LIG4: variants seen among roughly 807,000 people sequenced by gnomAD.
The protein encoded by LIG4 is DNA ligase 4.
Under a neutral mutation model 19.0 loss-of-function variants are expected in LIG4, and 13 were observed. That is an observed-to-expected ratio of 0.68 (90% CI 0.44 to 1.09). The LOEUF is 1.09. LIG4 is among the 50% of genes least tolerant of loss of function. The pLI, the probability that LIG4 is intolerant of heterozygous loss-of-function variation, is 0.00. For missense variants in LIG4, 1,026 were observed against 1,089.7 expected (o/e 0.94, Z 0.82); for synonymous variants, 361 against 358.2 (o/e 1.01, Z -0.09).
At position 108,210,414 on chromosome 13, in the gene LIG4, T is replaced by G; in HGVS notation, c.855A>C (p.Gly285=). 6.2e-7 allele frequency: 1 copy of G among 1,613,614 alleles called. No individual in the cohort carries two copies. The highest frequency in any genetic ancestry group is 8.5e-7 in the Non-Finnish European group (1 of 1,179,918). ...TTCGAGAGAAGTATTTATATACATCTCCATCTTTGTGCATTTGCATACGTT... is the reference window on the plus strand; with the variant it reads ...TTCGAGAGAAGTATTTATATACATCGCCATCTTTGTGCATTTGCATACGTT... ...DGERMQMHKD[G]DVYKYFSRNG... The change falls in exon 3 of 3, where the codon GGA becomes GGC. Residue 285 remains glycine (G), a synonymous_variant. Coordinates refer to ENST00000442234, the MANE Select transcript of LIG4 (RefSeq NM_206937.2).
rs1878208772 is a variant in LIG4, at chr13:108,208,780, C to A, written c.2489G>T (p.Ser830Ile). ...LDSYAVINDLSTKNEGTRLAI... is the reference protein window; with the variant it reads ...LDSYAVINDLITKNEGTRLAI... ...TAACCTTGTCCCCTCATTTTTGGTACTCAGGTCATTAATAACAGCATACGA... is the reference window on the plus strand; with the variant it reads ...TAACCTTGTCCCCTCATTTTTGGTAATCAGGTCATTAATAACAGCATACGA... Residue 830 changes from serine (S) to isoleucine (I), a missense_variant, in exon 3 of 3, where the codon AGT becomes ATT. Around this residue, in one of 3 missense-constraint regions of LIG4, gnomAD observed 521 missense variants for 515.5 expected, o/e 1.01. Coordinates refer to ENST00000442234, the MANE Select transcript of LIG4 (RefSeq NM_206937.2). 1 of 1,614,102 alleles carries A rather than the reference C, an allele frequency of 6.2e-7. No homozygotes were observed. Among genetic ancestry groups the A allele is most frequent in the Admixed American group, 1.7e-5 (1 of 60,018 alleles).
At position 108,207,940 on chromosome 13, in the gene LIG4, T is replaced by A. The variant is rs973474359; in HGVS notation, c.*593A>T. 3 of 152,068 alleles carry A rather than the reference T, an allele frequency of 2.0e-5. No individual in the cohort carries two copies. The highest frequency in any genetic ancestry group is 2.0e-4 in the Admixed American group (3 of 15,282). The allele number at this position is 152,068 out of a possible 1,614,324, so 9.4% of individuals were successfully genotyped here. A position where few individuals can be genotyped will look rare whatever the true frequency, so the allele number is the denominator to read the frequency against. ...TAAGTTTTTAGATCATTAAGTCTCA[T>A]ACAACTTCCTCTAATTTAGCTAAAA... On this transcript the variant is annotated 3_prime_UTR_variant, in exon 3 of 3. Coordinates refer to ENST00000442234, the MANE Select transcript of LIG4 (RefSeq NM_206937.2).
chr13:108,210,423 G>C lies in LIG4; in HGVS notation c.846C>G (p.His282Gln). The change falls in exon 3 of 3, where the codon CAC becomes CAG. Residue 282 changes from histidine to glutamine, a missense_variant. His to Gln is a conservative substitution (Grantham distance 24). Transcript: ENST00000442234. ...AGTATTTATATACATCTCCATCTTT[G>C]TGCATTTGCATACGTTCACCATCTA... ...TKLDGERMQM[H>Q]KDGDVYKYFS... 1.2e-6 allele frequency: 2 copies of C among 1,613,454 alleles called. No homozygotes were observed. Among genetic ancestry groups the C allele is most frequent in the Non-Finnish European group, 1.7e-6 (2 of 1,179,888 alleles).
rs1227854713 is a variant in LIG4, at chr13:108,208,615, T to G, written c.2654A>C (p.Lys885Thr). ...FKAFRRTFKR[K>T]FKILKESWVT... The stretch of plus-strand genomic sequence containing the variant: ...CCAACTTTCTTTTAGGATTTTAAAC[T>G]TTCTCTTAAAAGTTCTTCTAAAAGC... The change falls in exon 3 of 3, where the codon AAG becomes ACG. Residue 885 changes from lysine to threonine, a missense_variant. Around this residue, in one of 3 missense-constraint regions of LIG4, gnomAD observed 521 missense variants for 515.5 expected, o/e 1.01. Coordinates refer to ENST00000442234, the MANE Select transcript of LIG4 (RefSeq NM_206937.2). The G allele has an allele frequency of 2.5e-6, 4 of 1,613,122 alleles. No homozygotes were observed.
chr13:108,210,189 C>T lies in LIG4; in HGVS notation c.1080G>A (p.Leu360=). 1 of 1,613,696 alleles carries T rather than the reference C, an allele frequency of 6.2e-7. No individual in the cohort carries two copies. Among genetic ancestry groups the T allele is most frequent in the African/African-American group, 1.3e-5 (1 of 75,016 alleles). ...DIKRMVEDSD[L]QTCYCVFDVL... is the part of the protein sequence containing the mutation. ...CATCAAAAACACAATAACAAGTTTG[C>T]AGATCAGAATCCTCTACCATTCTTT... Residue 360 remains leucine (L), a synonymous_variant, in exon 3 of 3, where the codon CTG becomes CTA. Transcript: ENST00000442234.
chr13:108,208,662 A>G lies in LIG4; in HGVS notation c.2607T>C (p.His869=). ...AAGCTTTAAAATCTGCAACACGACT[A>G]TGATCTTCCCCAATTATTACATGAG... ...GVSHVIIGED[H]SRVADFKAFR... The change falls in exon 3 of 3, where the codon CAT becomes CAC. Residue 869 remains histidine, a synonymous_variant. Transcript: ENST00000442234. The G allele has an allele frequency of 6.2e-7, 1 of 1,614,118 alleles. No individual in the cohort carries two copies. Among genetic ancestry groups the G allele is most frequent in the East Asian group, 2.2e-5 (1 of 44,888 alleles).
Position 108,210,385 on chromosome 13 carries a change from C to T in LIG4, c.884G>A (p.Gly295Glu), listed in dbSNP as rs1278030492. 1 of 1,613,682 alleles carries T rather than the reference C, an allele frequency of 6.2e-7. No individual in the cohort carries two copies. Among genetic ancestry groups the T allele is most frequent in the African/African-American group, 1.3e-5 (1 of 74,904 alleles). Residue 295 changes from glycine (G) to glutamate (E), a missense_variant, in exon 3 of 3, where the codon GGA becomes GAA. Transcript: ENST00000442234. ...GDVYKYFSRN[G>E]YNYTDQFGAS... ...ACCAAACTGATCAGTGTAGTTATAT[C>T]CATTTCGAGAGAAGTATTTATATAC...
chr13:108,214,472 T>C (rs900686632), intron 2 of LIG4, 66 bp downstream of exon 2: 1 of 151,038 alleles, frequency 6.6e-6, no homozygotes, highest in Non-Finnish European at 1.5e-5. Context: ...CCCTAAGGAG[T>C]CTACATCATT....
At chr13:108,217,413 G>T (rs1879362218), upstream of LIG4, among the ~76,000 whole-genome samples, 1 of 152,088 alleles carries the variant, frequency 6.6e-6, no homozygotes, top group Non-Finnish European at 1.5e-5. Context: ...CAGCTACTCC[G>T]GAGGCTGAGG....
In LIG4 at chr13:108,209,433, A is replaced by G. The variant is rs996356677; in HGVS notation, c.1836T>C (p.Ser612=). Residue 612 remains serine, a synonymous_variant, in exon 3 of 3, where the codon TCT becomes TCC. Transcript: ENST00000442234. ...LRGKASGKLA[S]KHLYIGGDDE... is the part of the protein sequence containing the mutation. Reference sequence around the variant, plus strand: ...CATCACCACCTATATAAAGGTGTTTAGATGCGAGCTTACCAGATGCCTTCC... The same window carrying G: ...CATCACCACCTATATAAAGGTGTTTGGATGCGAGCTTACCAGATGCCTTCC... The G allele has an allele frequency of 6.2e-7, 1 of 1,614,170 alleles. No individual in the cohort carries two copies.
Position 108,209,027 on chromosome 13 carries a change from G to C in LIG4, c.2242C>G (p.Pro748Ala). ...WQPRFMIHMC[P>A]STKEHFAREY... is the part of the protein sequence containing the mutation. ...CGGGCAAAATGTTCTTTGGTTGATG[G>C]GCACATATGAATCATAAAGCGAGGC... Residue 748 changes from proline (P) to alanine (A), a missense_variant, in exon 3 of 3, where the codon CCA becomes GCA. By Grantham distance (27) the Pro-to-Ala change is conservative. Coordinates refer to ENST00000442234, the MANE Select transcript of LIG4 (RefSeq NM_206937.2). 1 of 1,614,048 alleles carries C rather than the reference G, an allele frequency of 6.2e-7. No homozygotes were observed.
chr13:108,218,289 T>C (rs1166600422), upstream of LIG4: 1 of 152,298 alleles, frequency 6.6e-6, no homozygotes, highest in African/African-American at 2.4e-5. Flanking sequence ...CCAAGATCCC[T>C]AGGTCCTGGA....
rs772551854 is a variant in LIG4, at chr13:108,208,864, C to T, written c.2405G>A (p.Arg802Gln). 53 of 1,613,866 alleles carry T rather than the reference C, an allele frequency of 3.3e-5. No homozygotes were observed. The highest frequency in any genetic ancestry group is 6.7e-5 in the East Asian group (3 of 44,878). Residue 802 changes from arginine to glutamine, a missense_variant, in exon 3 of 3, where the codon CGG becomes CAG. Coordinates refer to ENST00000442234, the MANE Select transcript of LIG4 (RefSeq NM_206937.2). ...GAGAGGAGAGCAATCCCAGGAATAC[C>T]GATATTCTAAATCAGCAATCAGAGA... ...MASLIADLEY[R>Q]YSWDCSPLSM...
At position 108,207,976 on chromosome 13, in the gene LIG4, G is replaced by A. The variant is rs915138259; in HGVS notation, c.*557C>T. ...CTAATTTAGCTAAAACCATCGACAG[G>A]GTTTTATTGTTACATTTGGCCTTAA... is the stretch of plus-strand genomic sequence containing the variant. On this transcript the variant is annotated 3_prime_UTR_variant, in exon 3 of 3. Coordinates refer to ENST00000442234, the MANE Select transcript of LIG4 (RefSeq NM_206937.2). The A allele has an allele frequency of 6.6e-6, 1 of 151,770 alleles. No homozygotes were observed. Among genetic ancestry groups the A allele is most frequent in the Non-Finnish European group, 1.5e-5 (1 of 68,014 alleles). 9.4% of individuals were successfully genotyped at this position (151,770 alleles called of 1,614,324 possible). A position where few individuals can be genotyped will look rare whatever the true frequency, so the allele number is the denominator to read the frequency against.
At position 108,210,249 on chromosome 13, in the gene LIG4, T is replaced by C. The variant is rs535025599; in HGVS notation, c.1020A>G (p.Gln340=). The C allele has an allele frequency of 3.7e-6, 6 of 1,613,806 alleles. No individual in the cohort carries two copies. In the East Asian group the frequency reaches 1.3e-4, roughly 36 times the overall value. ...GEMMAYNPNT[Q]TFMQKGTKFD... Reference sequence around the variant, plus strand: ...ACTTAGTTCCCTTTTGCATGAAAGTTTGTGTATTAGGATTATAGGCCATCA... The same window carrying C: ...ACTTAGTTCCCTTTTGCATGAAAGTCTGTGTATTAGGATTATAGGCCATCA... The change falls in exon 3 of 3, where the codon CAA becomes CAG. Residue 340 remains glutamine, a synonymous_variant. Transcript: ENST00000442234.
Position 108,209,295 on chromosome 13 carries a change from TA to T in LIG4, c.1973del (p.Ile658AsnfsTer5). 1 of 1,614,124 alleles carries T rather than the reference TA, an allele frequency of 6.2e-7. No individual in the cohort carries two copies. Among genetic ancestry groups the T allele is most frequent in the Non-Finnish European group, 8.5e-7 (1 of 1,179,972 alleles). ...TAACACAAAACTCTACATCTTCAAA[TA>T]TATTAGAAATTTTGTTAACGTTAGT... ...NLTNVNKISN[I>X]FEDVEFCVMS... On this transcript the variant is annotated frameshift_variant, in exon 3 of 3. Transcript: ENST00000442234. LOFTEE classifies it low-confidence loss of function (END_TRUNC).
upstream of LIG4, among the ~76,000 whole-genome samples, chr13:108,217,441 C>T (rs1879363495): frequency 6.6e-6 from 1 of 152,232 alleles, no homozygotes; most frequent in Admixed American, 6.5e-5. Context: ...ATCGCTTGAA[C>T]CCGGGAGGCG....
intron 2 of LIG4, among the ~76,000 whole-genome samples, chr13:108,213,115 A>G (rs886817615): frequency 6.6e-6 from 1 of 152,190 alleles, no homozygotes; most frequent in Non-Finnish European, 1.5e-5. Flanking sequence ...GGATAAACGC[A>G]TGACAGACCA....
chr13:108,208,839 G>A lies in LIG4; in HGVS notation c.2430C>T (p.Leu810=), dbSNP rs759042142. The part of the protein sequence containing the change: ...EYRYSWDCSP[L]SMFRRHTVYL... ...AAACGGTGTGGCGTCGAAACATACT[G>A]AGAGGAGAGCAATCCCAGGAATACC... The change falls in exon 3 of 3, where the codon CTC becomes CTT. Residue 810 remains leucine (L), a synonymous_variant. Coordinates refer to ENST00000442234, the MANE Select transcript of LIG4 (RefSeq NM_206937.2). 1 of 1,613,980 alleles carries A rather than the reference G, an allele frequency of 6.2e-7. No individual in the cohort carries two copies. The highest frequency in any genetic ancestry group is 8.5e-7 in the Non-Finnish European group (1 of 1,180,034).
Sources: gnomAD v4.1 joint callset for allele counts (sites outside exome capture counted in the v4.1 genomes callset) on GRCh38, gnomAD v4.1.1 for gene constraint, gnomAD v4.1.1 regional missense constraint, MANE v1.5 for transcripts, NCBI Gene and HGNC (gene_info 2026-07-23, HGNC 2026-07-21) for gene names.